ZFP1: variants seen among roughly 807,000 people sequenced by gnomAD.
ZFP1 encodes ZFP1 zinc finger protein, also known as zinc finger protein 1 homolog.
ZFP1 carries 32 observed loss-of-function variants against 38.5 expected under a neutral mutation model. The observed-to-expected ratio is 0.83, with a 90% CI of 0.63 to 1.12. The LOEUF is 1.12. Among genes scored for constraint, ZFP1 ranks in the 50% most tolerant of loss-of-function variants. The pLI, the probability that ZFP1 is intolerant of heterozygous loss-of-function variation, is 0.00. For missense variants in ZFP1, 616 were observed against 480.8 expected (o/e 1.28, Z -2.63); for synonymous variants, 245 against 168.8 (o/e 1.45, Z -3.50).
chr16:75,161,779 T>TTTTA (rs1567533136), intron 2 of ZFP1, among the ~76,000 whole-genome samples: 8 of 55,998 alleles, frequency 1.4e-4, no homozygotes, highest in African/African-American at 4.8e-4. Context: ...TATATATTTT[T>TTTTA]TTTTTTTTTT....
upstream of ZFP1, among the ~76,000 whole-genome samples, chr16:75,146,436 G>C (rs989883058): frequency 1.3e-5 from 2 of 152,058 alleles, no homozygotes; most frequent in Non-Finnish European, 2.9e-5. Context: ...CAAAGTGCTG[G>C]GATTACAGGC....
chr16:75,130,168 G>C, the ZFP1 span, among the ~76,000 whole-genome samples: 1 of 151,918 alleles, frequency 6.6e-6, no homozygotes, highest in Admixed American at 6.6e-5. Context: ...ACCTGGCTAA[G>C]TTTTGTATTT....
At position 75,170,251 on chromosome 16, in the gene ZFP1, G is replaced by A. The variant is rs750027988; in HGVS notation, c.1141G>A (p.Glu381Lys). The A allele has an allele frequency of 6.2e-7, 1 of 1,614,028 alleles. No homozygotes were observed. Among genetic ancestry groups the A allele is most frequent in the East Asian group, 2.2e-5 (1 of 44,882 alleles). Residue 381 changes from glutamate to lysine, a missense_variant, in exon 4 of 4, where the codon GAG (glutamate) becomes AAG (lysine). Transcript: ENST00000570010. The part of the protein sequence containing the change: ...LRIHTGEKPY[E>K]CSECGKAFSR... ...AATCCACACAGGAGAGAAACCATAT[G>A]AGTGTTCCGAATGTGGGAAGGCCTT... is the stretch of plus-strand genomic sequence containing the variant.
intron 2 of ZFP1, among the ~76,000 whole-genome samples, chr16:75,160,849 C>G (rs2037734629): frequency 6.6e-6 from 1 of 151,920 alleles, no homozygotes; most frequent in Non-Finnish European, 1.5e-5. Flanking sequence ...AGATGAACTC[C>G]TTTCATCAAG....
At position 75,169,255 on chromosome 16, in the gene ZFP1, G is replaced by T; in HGVS notation, c.145G>T (p.Val49Leu). 1 of 1,603,958 alleles carries T rather than the reference G, an allele frequency of 6.2e-7. No individual in the cohort carries two copies. Among genetic ancestry groups the T allele is most frequent in the Non-Finnish European group, 8.5e-7 (1 of 1,177,018 alleles). The change falls in exon 4 of 4, where the codon GTG (valine) becomes TTG (leucine). Residue 49 changes from valine (V) to leucine (L), a missense_variant and splice_region_variant. By Grantham distance (32) the Val-to-Leu change is conservative. Transcript: ENST00000570010. ...ENYSNLLSVE[V>L]WKADDQMERD... The stretch of plus-strand genomic sequence containing the variant: ...TTCATTGTGCTCTCTATTCCTAGAA[G>T]TGTGGAAGGCTGATGACCAGATGGA...
At position 75,169,297 on chromosome 16, in the gene ZFP1, C is replaced by T; in HGVS notation, c.187C>T (p.Pro63Ser). The change falls in exon 4 of 4, where the codon CCA (proline) becomes TCA (serine). Residue 63 changes from proline (P) to serine (S), a missense_variant. By Grantham distance (74) the Pro-to-Ser change is moderately conservative. Transcript: ENST00000570010. ...CCAGATGGAGAGAGACCACAGAAAC[C>T]CAGACGAGCAGGCGAGGCAATTTTT... The part of the protein sequence containing the change: ...DDQMERDHRN[P>S]DEQARQFLIL... The T allele has an allele frequency of 6.2e-7, 1 of 1,613,762 alleles. No homozygotes were observed. The highest frequency in any genetic ancestry group is 8.5e-7 in the Non-Finnish European group (1 of 1,179,918).
chr16:75,144,803 C>T (rs1597021673), upstream of ZFP1, among the ~76,000 whole-genome samples: 1 of 152,148 alleles, frequency 6.6e-6, no homozygotes, highest in South Asian at 2.1e-4. Flanking sequence ...CAGTATTTGT[C>T]CTTTTGTGTC....
At chr16:75,163,610 CT>C (rs58242565) in intron 2 of ZFP1, among the ~76,000 whole-genome samples, 5,605 of 144,406 alleles carry the variant, frequency 0.039, 371 homozygotes, top group African/African-American at 0.13. Flanking sequence ...TGCACCCAGC[CT>C]TTTTTTTTTG....
intron 2 of ZFP1, among the ~76,000 whole-genome samples, chr16:75,166,231 G>A (rs906830439): frequency 2.9e-4 from 44 of 151,982 alleles, no homozygotes; most frequent in African/African-American, 1.0e-3. Context: ...CATCTTGAGA[G>A]CAGAAACAGT....
chr16:75,161,171 G>A (rs796994917), intron 2 of ZFP1, among the ~76,000 whole-genome samples: 2 of 152,102 alleles, frequency 1.3e-5, no homozygotes, highest in African/African-American at 2.4e-5. Context: ...GGGTTCAAGC[G>A]ATTCTCCTGC....
chr16:75,130,230 A>G, the ZFP1 span, among the ~76,000 whole-genome samples: 3 of 152,016 alleles, frequency 2.0e-5, no homozygotes, highest in Non-Finnish European at 2.9e-5. Context: ...CAAACTCCTG[A>G]CTTCCAGTGA....
chr16:75,148,327 C>A (rs554590987), upstream of ZFP1, among the ~76,000 whole-genome samples: 1 of 152,280 alleles, frequency 6.6e-6, no homozygotes, highest in East Asian at 1.9e-4. Context: ...ACAGTGCAGG[C>A]TAAGGAGATT....
chr16:75,154,197 C>G (rs1476959643), intron 2 of ZFP1, among the ~76,000 whole-genome samples: 1 of 148,596 alleles, frequency 6.7e-6, no homozygotes, highest in African/African-American at 2.5e-5. Context: ...GAACTCCAGC[C>G]TGGGCAACAG....
At chr16:75,124,414 C>T in the ZFP1 span, among the ~76,000 whole-genome samples, 1 of 150,680 alleles carries the variant, frequency 6.6e-6, no homozygotes, top group South Asian at 2.1e-4. Flanking sequence ...CCCTCCTCAG[C>T]CTCTTAAAGT....
chr16:75,169,214 C>A lies in ZFP1; in HGVS notation c.143-39C>A. ...CCATTCGGTAACATTATAGCGGAGG[C>A]ATTGACAAGGTTCTTTTCATTGTGC... On this transcript the variant is annotated intron_variant, in intron 3 of 3. Transcript: ENST00000570010. 7 of 1,557,554 alleles carry A rather than the reference C, an allele frequency of 4.5e-6. 2 individuals carry two copies. The East Asian group carries it at 1.6e-4, about 35-fold the overall frequency.
intron 2 of ZFP1, among the ~76,000 whole-genome samples, chr16:75,158,649 C>A (rs1448849534): frequency 8.0e-6 from 1 of 125,768 alleles, no homozygotes; most frequent in South Asian, 2.4e-4. Flanking sequence ...TTTTTTTTTA[C>A]AGGCATAGGT....
rs1433081540 is a variant in ZFP1 at position 75,170,776 on chromosome 16, A to G, written c.*442A>G. On this transcript the variant is annotated 3_prime_UTR_variant, in exon 4 of 4. Coordinates refer to ENST00000570010, the MANE Select transcript of ZFP1 (RefSeq NM_153688.4). Reference sequence around the variant, plus strand: ...CCTCTGTGATAATTAGGACATAACAAGATTTTCCATACTAAACATCACATG... The same window carrying G: ...CCTCTGTGATAATTAGGACATAACAGGATTTTCCATACTAAACATCACATG... The G allele has an allele frequency of 6.4e-6, 1 of 156,446 alleles. No homozygotes were observed. The highest frequency in any genetic ancestry group is 2.4e-5 in the African/African-American group (1 of 41,568). The allele number at this position is 156,446 out of a possible 1,614,324, so 9.7% of individuals were successfully genotyped here.
chr16:75,142,053 C>T, the ZFP1 span, among the ~76,000 whole-genome samples: 153 of 80,344 alleles, frequency 1.9e-3, 1 homozygote, highest in African/African-American at 7.4e-3. Flanking sequence ...GACTCCATCT[C>T]AAAGAAAAAA....
chr16:75,166,620 A>G (rs1461080774), intron 2 of ZFP1, 150 bp from the exon 3 acceptor site: 2 of 1,463,084 alleles, frequency 1.4e-6, no homozygotes, highest in Non-Finnish European at 1.8e-6. Context: ...TTATAAAAAT[A>G]TATTTTGGAA....
Sources: allele counts gnomAD v4.1 joint callset (sites outside exome capture counted in the v4.1 genomes callset), GRCh38; gene constraint gnomAD v4.1.1; transcripts MANE v1.5; gene names NCBI Gene and HGNC (gene_info 2026-07-23, HGNC 2026-07-21).